Variants in SLC23A2 observed in about 807,000 individuals in gnomAD.
SLC23A2 encodes Na(+)/L-ascorbic acid transporter 2.
In SLC23A2, 36 loss-of-function variants were observed where a neutral mutation model predicts 73.3. The observed-to-expected ratio is 0.49, with a 90% CI of 0.38 to 0.65. SLC23A2 has a LOEUF of 0.65. Ranked by LOEUF, SLC23A2 falls within the 30% of genes least tolerant of loss-of-function variation. The probability of loss-of-function intolerance (pLI) is 0.00; values close to 1 mark genes in which losing one functional copy is unlikely to be tolerated. For synonymous variants in SLC23A2, 343 were observed against 327.3 expected, an observed-to-expected ratio of 1.05 and a Z score of -0.52; for missense variants, 507 against 841.6, an observed-to-expected ratio of 0.60 and a Z score of 4.92.
In SLC23A2 at chr20:4,902,421, A is replaced by C; in HGVS notation, c.324+21T>G. ...TGCAAACACCTGCTGGTAGTTACAC[A>C]TCCTACAGGAACCATCTTACCTGTA... On this transcript the variant is annotated intron_variant, in intron 5 of 16. Coordinates refer to ENST00000338244, the MANE Select transcript of SLC23A2 (RefSeq NM_005116.6). The surrounding 1 kb of genome is among the most constrained non-coding windows in gnomAD (Gnocchi z 4.0). The C allele has an allele frequency of 1.5e-6, 2 of 1,300,188 alleles. No homozygotes were observed. Among genetic ancestry groups the C allele is most frequent in the Non-Finnish European group, 2.2e-6 (2 of 909,354 alleles). 80.5% of individuals were successfully genotyped at this position (1,300,188 alleles called of 1,614,324 possible).
At position 4,869,343 on chromosome 20, in the gene SLC23A2, A is replaced by AAAC. The variant is rs1568603042; in HGVS notation, c.1250+562_1250+563insGTT. 4.2e-3 allele frequency among the ~76,000 whole-genome samples: 622 copies of AAAC among 149,614 alleles called. 3 individuals are homozygous for AAAC. Among genetic ancestry groups the AAAC allele is most frequent in the African/African-American group, 0.015 (597 of 39,434 alleles). On this transcript the variant is annotated intron_variant, in intron 12 of 16. Coordinates refer to ENST00000338244, the MANE Select transcript of SLC23A2 (RefSeq NM_005116.6). ...TTAAAAACAAACAAACAAAAAAAAA[A>AAAC]CAAAAAAAACCTGTAAGCAGTGAAG...
At chr20:4,923,241 G>A (rs1932558157) in intron 3 of SLC23A2, among the ~76,000 whole-genome samples, 1 of 127,036 alleles carries the variant, frequency 7.9e-6, no homozygotes. Context: ...ACCCCATCTT[G>A]AAGGGAGGGA....
intron 1 of SLC23A2, among the ~76,000 whole-genome samples, chr20:4,990,808 C>G (rs2087912350): frequency 6.7e-6 from 1 of 150,326 alleles, no homozygotes; most frequent in East Asian, 2.0e-4. Flanking sequence ...CATGGTGAAA[C>G]CCTGTCTTTA....
At position 4,927,156 on chromosome 20, in the gene SLC23A2, C is replaced by T. The variant is rs145751030; in HGVS notation, c.108+5299G>A. On this transcript the variant is annotated intron_variant, in intron 3 of 16. Coordinates refer to ENST00000338244, the MANE Select transcript of SLC23A2 (RefSeq NM_005116.6). ...GTGGCTATGGAGTACTTGACGAGTGCAACTAACGAAGTGAATTTCAGGTTT... is the reference window on the plus strand; with the variant it reads ...GTGGCTATGGAGTACTTGACGAGTGTAACTAACGAAGTGAATTTCAGGTTT... Among the ~76,000 whole-genome samples the T allele has an allele frequency of 3.7e-4, 56 of 152,194 alleles. 4 individuals are homozygous for T. In the East Asian group the frequency reaches 0.01, roughly 28 times the overall value.
At chr20:4,882,842 C>A (rs1930945215) in intron 9 of SLC23A2, among the ~76,000 whole-genome samples, 1 of 152,134 alleles carries the variant, frequency 6.6e-6, no homozygotes, top group African/African-American at 2.4e-5. Flanking sequence ...ATGAAAAATT[C>A]TCTTATGTGA....
intron 1 of SLC23A2, among the ~76,000 whole-genome samples, chr20:4,981,443 T>A (rs368950121): frequency 5.3e-5 from 8 of 152,336 alleles, no homozygotes; most frequent in African/African-American, 1.7e-4. Flanking sequence ...CAGCTCTGGC[T>A]GTACCCTGGA....
At chr20:4,977,185 GATCTATTAC>G (rs2087655478) in intron 1 of SLC23A2, among the ~76,000 whole-genome samples, 1 of 152,070 alleles carries the variant, frequency 6.6e-6, no homozygotes, top group African/African-American at 2.4e-5. Flanking sequence ...AAATAGTTAT[GATCTATTAC>G]AAAGTGGGGT....
At chr20:4,973,925 T>C (rs1042258147) in intron 1 of SLC23A2, among the ~76,000 whole-genome samples, 5 of 152,152 alleles carry the variant, frequency 3.3e-5, no homozygotes, top group African/African-American at 1.2e-4. Context: ...ACTGACTTCA[T>C]ACAGAAAACA....
chr20:4,913,417 GT>G (rs1263498169), intron 3 of SLC23A2, among the ~76,000 whole-genome samples: 1 of 152,174 alleles, frequency 6.6e-6, no homozygotes, highest in East Asian at 1.9e-4. Context: ...ACACTCCTCG[GT>G]AAGGGGCCAC....
chr20:5,010,084 G>GAC (rs2088233747), intron 1 of SLC23A2: 2 of 139,678 alleles, frequency 1.4e-5, no homozygotes, highest in East Asian at 4.2e-4. Context: ...GACAGAGTGA[G>GAC]ACTCCGTCTC....
intron 2 of SLC23A2, among the ~76,000 whole-genome samples, chr20:4,942,398 C>T (rs114895991): frequency 0.013 from 1,886 of 141,956 alleles, 43 homozygotes; most frequent in African/African-American, 0.045. Context: ...AAAAAAAAGT[C>T]GCCTGGAAAT....
At chr20:4,976,904 G>T (rs1428695708) in intron 1 of SLC23A2, among the ~76,000 whole-genome samples, 2 of 151,890 alleles carry the variant, frequency 1.3e-5, no homozygotes, top group Admixed American at 6.6e-5. Context: ...TGAATCAGGG[G>T]GGCGGAGGTT....
At position 4,930,733 on chromosome 20, in the gene SLC23A2, C is replaced by T. The variant is rs568714348; in HGVS notation, c.108+1722G>A. 1.6e-4 allele frequency among the ~76,000 whole-genome samples: 24 copies of T among 152,044 alleles called. 1 individual carries two copies. Among genetic ancestry groups the T allele is most frequent in the African/African-American group, 4.6e-4 (19 of 41,488 alleles). ...ACTCGGGAGGCTGAGGCGGGAGAAT[C>T]GCTTGAACTTGGGAGGCAGAGGTTG... On this transcript the variant is annotated intron_variant, in intron 3 of 16. Coordinates refer to ENST00000338244, the MANE Select transcript of SLC23A2 (RefSeq NM_005116.6).
chr20:4,992,560 G>A (rs1218908783), intron 1 of SLC23A2, among the ~76,000 whole-genome samples: 1 of 144,236 alleles, frequency 6.9e-6, no homozygotes, highest in African/African-American at 2.6e-5. Context: ...GCCCAGGTTA[G>A]AGTGTAATGA....
intron 1 of SLC23A2, among the ~76,000 whole-genome samples, chr20:4,992,727 C>A (rs908772963): frequency 6.6e-6 from 1 of 151,526 alleles, no homozygotes; most frequent in Admixed American, 6.6e-5. Flanking sequence ...TCAGGCTGGT[C>A]TGGAACTCCT....
At chr20:4,980,272 G>A (rs1263775568) in intron 1 of SLC23A2, among the ~76,000 whole-genome samples, 1 of 152,124 alleles carries the variant, frequency 6.6e-6, no homozygotes, top group African/African-American at 2.4e-5. Flanking sequence ...AATGCACTCA[G>A]ATTTAGGTAC....
chr20:4,921,380 G>A (rs190770069), intron 3 of SLC23A2, among the ~76,000 whole-genome samples: 150 of 152,098 alleles, frequency 9.9e-4, no homozygotes, highest in African/African-American at 3.5e-3. Context: ...TCAGAAATTC[G>A]AGACCAGCCT....
chr20:4,924,879 C>G (rs928512510), intron 3 of SLC23A2, among the ~76,000 whole-genome samples: 4 of 152,208 alleles, frequency 2.6e-5, no homozygotes. Context: ...TTGCCTGTCT[C>G]CCACACCAGA....
rs150487107 is a variant in SLC23A2, at chr20:4,888,729, A to T, written c.483-2820T>A. ...TCATTTAAGGCACAGAGAAAATATCACCTCCTCCAGCAAATATTCCAGGAT... is the reference window on the plus strand; with the variant it reads ...TCATTTAAGGCACAGAGAAAATATCTCCTCCTCCAGCAAATATTCCAGGAT... On this transcript the variant is annotated intron_variant, in intron 6 of 16. Transcript: ENST00000338244. Among the ~76,000 whole-genome samples the T allele has an allele frequency of 2.0e-5, 3 of 152,208 alleles. No homozygotes were observed. The East Asian group carries it at 5.8e-4, about 29-fold the overall frequency.
Sources: gnomAD v4.1 joint callset for allele counts (sites outside exome capture counted in the v4.1 genomes callset) on GRCh38, gnomAD v4.1.1 for gene constraint, Gnocchi (gnomAD v3.1) non-coding constraint, MANE v1.5 for transcripts, NCBI Gene and HGNC (gene_info 2026-07-23, HGNC 2026-07-21) for gene names.